RPIA: variants seen among roughly 807,000 people sequenced by gnomAD.
The protein encoded by RPIA is ribose 5-phosphate isomerase A.
In RPIA, 29 loss-of-function variants were observed where a neutral mutation model predicts 37.8. The observed-to-expected ratio is 0.77, with a 90% CI of 0.57 to 1.05. The LOEUF is 1.05. Among genes scored for constraint, RPIA ranks in the 50% least tolerant of loss-of-function variants. The pLI is 0.00. For synonymous variants in RPIA, 167 were observed against 157.0 expected, an observed-to-expected ratio of 1.06 and a Z score of -0.48; for missense variants, 385 against 413.6, an observed-to-expected ratio of 0.93 and a Z score of 0.60.
At chr2:88,704,999 A>G (rs1350140125) in intron 3 of RPIA, among the ~76,000 whole-genome samples, 2 of 152,218 alleles carry the variant, frequency 1.3e-5, no homozygotes, top group African/African-American at 4.8e-5. Flanking sequence ...ATACCTAGGA[A>G]TACAGCTAAC....
intron 3 of RPIA, among the ~76,000 whole-genome samples, chr2:88,706,670 A>G (rs1672901968): frequency 6.6e-6 from 1 of 152,026 alleles, no homozygotes; most frequent in Non-Finnish European, 1.5e-5. Flanking sequence ...TACCTATGTA[A>G]CAAACCTGCA....
chr2:88,745,746 T>C (rs756104856), intron 8 of RPIA, among the ~76,000 whole-genome samples: 4 of 152,226 alleles, frequency 2.6e-5, no homozygotes, highest in Admixed American at 6.5e-5. Context: ...ACCTGATGAC[T>C]ATATGCCTAG....
In RPIA at chr2:88,691,987, A is replaced by G. The variant is rs1573456416; in HGVS notation, c.285+4A>G. On this transcript the variant is annotated splice_donor_region_variant and intron_variant, in intron 1 of 8. Coordinates refer to ENST00000283646, the MANE Select transcript of RPIA (RefSeq NM_144563.3). ...GGCTGTGGAGAACCACGTGAGGGTG[A>G]GCACTTCGAAACGTGGGGCGCGGGG... is the stretch of plus-strand genomic sequence containing the variant. 6.3e-7 allele frequency: 1 copy of G among 1,583,470 alleles called. No homozygotes were observed. The highest frequency in any genetic ancestry group is 8.6e-7 in the Non-Finnish European group (1 of 1,166,478).
chr2:88,742,315 C>T (rs1392914572), intron 8 of RPIA, among the ~76,000 whole-genome samples: 3 of 152,062 alleles, frequency 2.0e-5, no homozygotes, highest in Non-Finnish European at 4.4e-5. Context: ...GTGTCCTTTC[C>T]CCCTTGATAT....
intron 3 of RPIA, among the ~76,000 whole-genome samples, chr2:88,724,567 C>G (rs1416947567): frequency 6.6e-6 from 1 of 152,148 alleles, no homozygotes; most frequent in Admixed American, 6.5e-5. Flanking sequence ...CCTCGGCCTT[C>G]CAAAGTGCTG....
At chr2:88,723,636 T>A (rs1483048055) in intron 3 of RPIA, among the ~76,000 whole-genome samples, 1 of 152,134 alleles carries the variant, frequency 6.6e-6, no homozygotes, top group Non-Finnish European at 1.5e-5. Flanking sequence ...AGGTCAGGGG[T>A]ACCTCTACTC....
At chr2:88,703,128 C>CAA (rs1346279888) in intron 3 of RPIA, among the ~76,000 whole-genome samples, 1 of 152,174 alleles carries the variant, frequency 6.6e-6, no homozygotes, top group Non-Finnish European at 1.5e-5. Context: ...TGTGGCTTTG[C>CAA]AGGGCACAGC....
At chr2:88,703,211 A>G (rs543453308) in intron 3 of RPIA, among the ~76,000 whole-genome samples, 12 of 152,266 alleles carry the variant, frequency 7.9e-5, no homozygotes, top group African/African-American at 2.2e-4. Context: ...GCAAGCTGTC[A>G]GTGGATCTAC....
intron 8 of RPIA, 38 bp downstream of exon 8, chr2:88,738,114 A>G (rs952037718): frequency 4.1e-6 from 6 of 1,454,770 alleles, no homozygotes; most frequent in Non-Finnish European, 5.8e-6. Context: ...ATACACACCC[A>G]TGGCCTTCAT....
In RPIA at chr2:88,707,547, T is replaced by A. The variant is rs555236276; in HGVS notation, c.402+7483T>A. Among the ~76,000 whole-genome samples the A allele has an allele frequency of 1.2e-4, 19 of 152,286 alleles. No individual in the cohort carries two copies. In the South Asian group the frequency reaches 3.7e-3, roughly 30 times the overall value. On this transcript the variant is annotated intron_variant, in intron 3 of 8. Transcript: ENST00000283646. ...CAGTTACCCCTAGATACAGTTTAGT[T>A]TGAGTACACTGTAAGGCTTCTCACA...
chr2:88,701,463 C>G (rs1418547596), intron 3 of RPIA, among the ~76,000 whole-genome samples: 1 of 151,946 alleles, frequency 6.6e-6, no homozygotes, highest in Non-Finnish European at 1.5e-5. Context: ...ACAAATAATT[C>G]AAGTCTTTTT....
At chr2:88,709,337 T>C (rs1672935291) in intron 3 of RPIA, among the ~76,000 whole-genome samples, 1 of 152,222 alleles carries the variant, frequency 6.6e-6, no homozygotes, top group Non-Finnish European at 1.5e-5. Flanking sequence ...CCAGTATCTA[T>C]TTATAATCCT....
At position 88,750,925 on chromosome 2, in the gene RPIA, T is replaced by G; in HGVS notation, c.*847T>G. 1 of 392,332 alleles carries G rather than the reference T, an allele frequency of 2.5e-6. No homozygotes were observed. The highest frequency in any genetic ancestry group is 4.5e-6 in the Non-Finnish European group (1 of 222,718). The allele number at this position is 392,332 out of a possible 1,614,324, so 24.3% of individuals were successfully genotyped here. A position where few individuals can be genotyped will look rare whatever the true frequency, so the allele number is the denominator to read the frequency against. On this transcript the variant is annotated 3_prime_UTR_variant, in exon 9 of 9. Coordinates refer to ENST00000283646, the MANE Select transcript of RPIA (RefSeq NM_144563.3). ...TGCAGGTTTAAATAAAACAGTGTGG[T>G]GCCATTTTGACTCTTTTGTCTTTAT...
At chr2:88,739,406 C>T (rs1157236831) in intron 8 of RPIA, among the ~76,000 whole-genome samples, 1 of 152,096 alleles carries the variant, frequency 6.6e-6, no homozygotes, top group Non-Finnish European at 1.5e-5. Context: ...TAGTGCCTAC[C>T]TTATAAGGTT....
In RPIA at chr2:88,691,852, C is replaced by A. The variant is rs962744633; in HGVS notation, c.154C>A (p.Arg52Ser). ...RLPGRAQSGT[R>S]GGAGNTSTSC... Reference sequence around the variant, plus strand: ...GCCGGGGCGTGCACAGTCTGGGACCCGTGGCGGTGCTGGCAACACAAGCAC... The same window carrying A: ...GCCGGGGCGTGCACAGTCTGGGACCAGTGGCGGTGCTGGCAACACAAGCAC... The change falls in exon 1 of 9, where the codon CGT (arginine) becomes AGT (serine). Residue 52 changes from arginine (R) to serine (S), a missense_variant. By Grantham distance (110) the Arg-to-Ser change is moderately radical. Around this residue, in one of 2 missense-constraint regions of RPIA, gnomAD observed 232 missense variants for 203.0 expected, o/e 1.14. Transcript: ENST00000283646. 1 of 1,595,764 alleles carries A rather than the reference C, an allele frequency of 6.3e-7. No individual in the cohort carries two copies. Among genetic ancestry groups the A allele is most frequent in the Admixed American group, 1.8e-5 (1 of 56,678 alleles).
At chr2:88,747,113 C>A (rs989563467) in intron 8 of RPIA, among the ~76,000 whole-genome samples, 2 of 152,132 alleles carry the variant, frequency 1.3e-5, no homozygotes, top group South Asian at 2.1e-4. Flanking sequence ...TTTCCTTGGG[C>A]AGGGCTTGCT....
In RPIA at chr2:88,691,708, C is replaced by A; in HGVS notation, c.10C>A (p.Pro4Thr). ...GGAGCGAGGCGTCGGGATGCAGCGCCCCGGGCCCTTCAGCACCCTCTACGG... is the reference window on the plus strand; with the variant it reads ...GGAGCGAGGCGTCGGGATGCAGCGCACCGGGCCCTTCAGCACCCTCTACGG... MQR[P>T]GPFSTLYGRV... Residue 4 changes from proline to threonine, a missense_variant, in exon 1 of 9, where the codon CCC (proline) becomes ACC (threonine). This residue lies in a region of RPIA where 232 missense variants were observed against 203.0 expected (regional missense o/e 1.14). Transcript: ENST00000283646. 6.3e-7 allele frequency: 1 copy of A among 1,578,562 alleles called. No homozygotes were observed. Among genetic ancestry groups the A allele is most frequent in the East Asian group, 2.2e-5 (1 of 44,532 alleles).
chr2:88,727,526 T>TTC (rs1438884426), intron 3 of RPIA, among the ~76,000 whole-genome samples: 10 of 152,210 alleles, frequency 6.6e-5, no homozygotes, highest in Admixed American at 2.6e-4. Flanking sequence ...ATTAGTTATT[T>TTC]TCCCTGATCG....
At chr2:88,746,238 A>G (rs1458686981) in intron 8 of RPIA, among the ~76,000 whole-genome samples, 1 of 151,532 alleles carries the variant, frequency 6.6e-6, no homozygotes, top group Non-Finnish European at 1.5e-5. Flanking sequence ...TTAATAATCA[A>G]CCTTCTGAAT....
Sources: allele counts gnomAD v4.1 joint callset (sites outside exome capture counted in the v4.1 genomes callset), GRCh38; gene constraint gnomAD v4.1.1; regional missense constraint gnomAD v4.1.1; transcripts MANE v1.5; gene names NCBI Gene and HGNC (gene_info 2026-07-23, HGNC 2026-07-21).